Variants in ZRANB3 observed in about 807,000 individuals in gnomAD.
ZRANB3 encodes zinc finger RANBP2-type containing 3, also known as DNA annealing helicase and endonuclease ZRANB3.
In ZRANB3, 125 loss-of-function variants were observed where a neutral mutation model predicts 133.8. The observed-to-expected ratio is 0.93, with a 90% CI of 0.81 to 1.08. The LOEUF (loss-of-function observed/expected upper bound fraction) is 1.08, where lower values mean the gene tolerates loss of function less well. Among genes scored for constraint, ZRANB3 ranks in the 50% least tolerant of loss-of-function variants. The pLI, the probability that ZRANB3 is intolerant of heterozygous loss-of-function variation, is 0.00. For synonymous variants in ZRANB3, 387 were observed against 432.7 expected, an observed-to-expected ratio of 0.89 and a Z score of 1.31; for missense variants, 1,229 against 1,275.5, an observed-to-expected ratio of 0.96 and a Z score of 0.56.
chr2:135,412,908 A>G (rs1043336533), intron 2 of ZRANB3, among the ~76,000 whole-genome samples: 5 of 152,160 alleles, frequency 3.3e-5, no homozygotes, highest in Non-Finnish European at 7.4e-5. Context: ...TTAAAAATTC[A>G]TTAGGTTTTT....
At position 135,314,747 on chromosome 2, in the gene ZRANB3, G is replaced by T. The variant is rs1298526677; in HGVS notation, c.849+612C>A. On this transcript the variant is annotated intron_variant, in intron 7 of 20. Transcript: ENST00000264159. Reference sequence around the variant, plus strand: ...TATTGGGTTTCACACCTTCTATTTAGAATTCTTTTTTTTTTTTTTGAGATG... The same window carrying T: ...TATTGGGTTTCACACCTTCTATTTATAATTCTTTTTTTTTTTTTTGAGATG... Among the ~76,000 whole-genome samples, 4 of 149,930 alleles carry T rather than the reference G, an allele frequency of 2.7e-5. No individual in the cohort carries two copies. In the East Asian group the frequency reaches 7.8e-4, roughly 29 times the overall value.
chr2:135,347,716 A>G (rs1481118114), intron 5 of ZRANB3, among the ~76,000 whole-genome samples: 5 of 152,238 alleles, frequency 3.3e-5, no homozygotes, highest in African/African-American at 1.2e-4. Context: ...ATATTCAGAA[A>G]TAACCAATGG....
intron 6 of ZRANB3, among the ~76,000 whole-genome samples, chr2:135,338,667 A>G (rs903826117): frequency 6.6e-6 from 1 of 152,264 alleles, no homozygotes; most frequent in Non-Finnish European, 1.5e-5. Context: ...AATGAGTTGC[A>G]TCAAGATTAC....
chr2:135,420,106 T>G (rs1352326387), intron 2 of ZRANB3, among the ~76,000 whole-genome samples: 2 of 142,772 alleles, frequency 1.4e-5, no homozygotes, highest in Non-Finnish European at 3.1e-5. Context: ...TATATATATA[T>G]ATATATATAT....
chr2:135,327,578 G>A (rs1218587262), intron 6 of ZRANB3, among the ~76,000 whole-genome samples: 1 of 152,150 alleles, frequency 6.6e-6, no homozygotes, highest in Non-Finnish European at 1.5e-5. Flanking sequence ...ACTGGACACT[G>A]AATTACCAAA....
chr2:135,250,573 G>A (rs1472070778), intron 12 of ZRANB3, among the ~76,000 whole-genome samples: 4 of 152,208 alleles, frequency 2.6e-5, no homozygotes, highest in East Asian at 3.9e-4. Flanking sequence ...CCTGTGCTGC[G>A]TTCAGCCTAG....
intron 2 of ZRANB3, among the ~76,000 whole-genome samples, chr2:135,424,903 A>G (rs1334194243): frequency 6.6e-6 from 1 of 152,204 alleles, no homozygotes; most frequent in East Asian, 1.9e-4. Context: ...AGCTTCCAGA[A>G]AAAGGTTTCA....
intron 12 of ZRANB3, among the ~76,000 whole-genome samples, chr2:135,253,452 C>T (rs1016479703): frequency 6.6e-6 from 1 of 152,090 alleles, no homozygotes; most frequent in African/African-American, 2.4e-5. Context: ...CTATGCTTTG[C>T]TTAACAACGG....
intron 2 of ZRANB3, among the ~76,000 whole-genome samples, chr2:135,491,847 T>C (rs1353130103): frequency 1.3e-5 from 2 of 152,140 alleles, no homozygotes; most frequent in African/African-American, 4.8e-5. Flanking sequence ...AAAGTGTAAG[T>C]ATTATTAAAG....
In ZRANB3 at chr2:135,277,380, C is replaced by T. The variant is rs189802666; in HGVS notation, c.967-1625G>A. ...AGAGCTTCTAGTCAGTGGTTAGTGTCTTTCTTGTAAATATAAGCAACCAAC... is the reference window on the plus strand; with the variant it reads ...AGAGCTTCTAGTCAGTGGTTAGTGTTTTTCTTGTAAATATAAGCAACCAAC... On this transcript the variant is annotated intron_variant, in intron 8 of 20. Coordinates refer to ENST00000264159, the MANE Select transcript of ZRANB3 (RefSeq NM_032143.4). Among the ~76,000 whole-genome samples, 5 of 152,266 alleles carry T rather than the reference C, an allele frequency of 3.3e-5. No individual in the cohort carries two copies. The East Asian group carries it at 7.7e-4, about 23-fold the overall frequency.
At chr2:135,339,775 T>G (rs1245166098) in intron 6 of ZRANB3, among the ~76,000 whole-genome samples, 2 of 152,254 alleles carry the variant, frequency 1.3e-5, no homozygotes, top group Non-Finnish European at 2.9e-5. Context: ...AGTTAAAACC[T>G]ATTTGTATTT....
At chr2:135,295,715 C>G (rs569642662) in intron 8 of ZRANB3, among the ~76,000 whole-genome samples, 3 of 152,276 alleles carry the variant, frequency 2.0e-5, no homozygotes, top group Admixed American at 6.5e-5. Context: ...GTGGCTTGTA[C>G]TGGTTTTTCC....
At chr2:135,223,195 G>T (rs1694621977) in intron 15 of ZRANB3, among the ~76,000 whole-genome samples, 1 of 151,706 alleles carries the variant, frequency 6.6e-6, no homozygotes, top group Non-Finnish European at 1.5e-5. Flanking sequence ...AGGTTGCAGT[G>T]AGCCGAGATT....
intron 19 of ZRANB3, among the ~76,000 whole-genome samples, chr2:135,203,435 C>T (rs533287806): frequency 2.6e-5 from 4 of 151,838 alleles, no homozygotes; most frequent in South Asian, 4.2e-4. Flanking sequence ...CTGGCTAACA[C>T]GGTGAAACCC....
At chr2:135,440,377 C>T (rs375397194) in intron 2 of ZRANB3, among the ~76,000 whole-genome samples, 2 of 151,362 alleles carry the variant, frequency 1.3e-5, no homozygotes, top group African/African-American at 4.9e-5. Context: ...CCAGCCTGGG[C>T]GACAGAGCAA....
intron 2 of ZRANB3, among the ~76,000 whole-genome samples, chr2:135,440,903 A>G (rs1035266668): frequency 6.6e-6 from 1 of 152,222 alleles, no homozygotes; most frequent in Non-Finnish European, 1.5e-5. Context: ...AATTTGATAG[A>G]GCAATAGAAA....
At chr2:135,404,981 C>A (rs1363426225) in intron 2 of ZRANB3, among the ~76,000 whole-genome samples, 11 of 152,082 alleles carry the variant, frequency 7.2e-5, no homozygotes, top group Non-Finnish European at 4.4e-5. Context: ...ATTAACCTTA[C>A]ATGTAAATGG....
intron 8 of ZRANB3, among the ~76,000 whole-genome samples, chr2:135,280,791 T>C (rs1270272343): frequency 6.6e-6 from 1 of 152,196 alleles, no homozygotes; most frequent in East Asian, 1.9e-4. Flanking sequence ...ACCTGAGCTA[T>C]GACAAAGACT....
At chr2:135,255,807 T>C (rs1679623626) in intron 12 of ZRANB3, among the ~76,000 whole-genome samples, 1 of 151,874 alleles carries the variant, frequency 6.6e-6, no homozygotes, top group South Asian at 2.1e-4. Context: ...ACCTCTCCAC[T>C]GAACAATCCT....
Sources: allele counts gnomAD v4.1 joint callset (sites outside exome capture counted in the v4.1 genomes callset), GRCh38; gene constraint gnomAD v4.1.1; transcripts MANE v1.5; gene names NCBI Gene and HGNC (gene_info 2026-07-23, HGNC 2026-07-21).